Variants in METTL25 observed in about 807,000 individuals in gnomAD.
METTL25 encodes methyltransferase like 25.
A neutral mutation model predicts 71.6 loss-of-function variants in METTL25; 64 were observed. The observed-to-expected ratio is 0.89, with a 90% CI of 0.73 to 1.10. The LOEUF (loss-of-function observed/expected upper bound fraction) is 1.10, where lower values mean the gene tolerates loss of function less well. Among genes scored for constraint, METTL25 ranks in the 50% least tolerant of loss-of-function variants. The pLI is 0.00. For synonymous variants in METTL25, 287 were observed against 250.3 expected (o/e 1.15, Z -1.38); for missense variants, 807 against 707.0 (o/e 1.14, Z -1.60).
intron 8 of METTL25, among the ~76,000 whole-genome samples, chr12:82,441,251 C>T (rs1243645145): frequency 6.6e-6 from 1 of 151,078 alleles, no homozygotes; most frequent in Non-Finnish European, 1.5e-5. Context: ...TCCCTCTGGA[C>T]AAAATAATGT....
intron 9 of METTL25, among the ~76,000 whole-genome samples, chr12:82,466,715 T>C (rs1379818700): frequency 6.6e-6 from 1 of 152,112 alleles, no homozygotes; most frequent in East Asian, 1.9e-4. Context: ...TATTACTGGA[T>C]TGAGGTCCAT....
chr12:82,451,620 G>A (rs893242415), intron 8 of METTL25, among the ~76,000 whole-genome samples: 2 of 152,004 alleles, frequency 1.3e-5, no homozygotes, highest in East Asian at 1.9e-4. Context: ...TCCGAACTGT[G>A]TATAGACAAT....
intron 9 of METTL25, among the ~76,000 whole-genome samples, chr12:82,461,138 G>A (rs529407341): frequency 3.3e-5 from 5 of 152,098 alleles, no homozygotes; most frequent in South Asian, 2.1e-4. Flanking sequence ...GCAAGACTCC[G>A]TCTCCAAAAA....
intron 8 of METTL25, chr12:82,439,941 C>A: frequency 2.5e-6 from 1 of 393,684 alleles, no homozygotes; most frequent in Non-Finnish European, 3.5e-6. Context: ...AAACTCAATA[C>A]TTTCCAACGC....
intron 1 of METTL25, among the ~76,000 whole-genome samples, chr12:82,384,204 A>G (rs1167915583): frequency 6.6e-6 from 1 of 152,220 alleles, no homozygotes; most frequent in African/African-American, 2.4e-5. Flanking sequence ...TTAATTTACT[A>G]AATATAAGTT....
chr12:82,465,839 G>T (rs1420530176), intron 9 of METTL25, among the ~76,000 whole-genome samples: 6 of 151,926 alleles, frequency 3.9e-5, no homozygotes, highest in Non-Finnish European at 8.8e-5. Context: ...TAGGTTGTAT[G>T]TGTCTAAGAA....
At chr12:82,379,851 A>T (rs954718761) in intron 1 of METTL25, among the ~76,000 whole-genome samples, 12 of 152,144 alleles carry the variant, frequency 7.9e-5, no homozygotes, top group African/African-American at 2.9e-4. Context: ...ATCCTTAGTC[A>T]TGCCTTCATT....
chr12:82,447,100 GAAAT>G (rs1329719457), intron 8 of METTL25, among the ~76,000 whole-genome samples: 3 of 151,500 alleles, frequency 2.0e-5, no homozygotes, highest in Admixed American at 2.0e-4. Flanking sequence ...TCTAAAGAAA[GAAAT>G]AATCAAGATC....
At chr12:82,394,789 A>T (rs1298470043) in intron 3 of METTL25, among the ~76,000 whole-genome samples, 1 of 151,954 alleles carries the variant, frequency 6.6e-6, no homozygotes, top group Non-Finnish European at 1.5e-5. Context: ...AAAGTTTTTG[A>T]TACAGAGGGG....
intron 8 of METTL25, among the ~76,000 whole-genome samples, chr12:82,446,483 A>G (rs373106046): frequency 2.3e-5 from 3 of 128,608 alleles, no homozygotes; most frequent in African/African-American, 8.5e-5. Context: ...TCTGACTACA[A>G]TGGAATAAAC....
At chr12:82,395,083 C>T (rs1381834437) in intron 3 of METTL25, among the ~76,000 whole-genome samples, 1 of 151,914 alleles carries the variant, frequency 6.6e-6, no homozygotes, top group Non-Finnish European at 1.5e-5. Flanking sequence ...AGACTGGAAG[C>T]CACTGGAGCC....
In METTL25 at chr12:82,456,825, G is replaced by T; in HGVS notation, c.1572+5G>T. 7.4e-7 allele frequency: 1 copy of T among 1,360,492 alleles called. No homozygotes were observed. Among genetic ancestry groups the T allele is most frequent in the Non-Finnish European group, 1.0e-6 (1 of 998,916 alleles). The allele number at this position is 1,360,492 out of a possible 1,614,324, so 84.3% of individuals were successfully genotyped here. On this transcript the variant is annotated splice_donor_5th_base_variant and intron_variant, in intron 9 of 11. Coordinates refer to ENST00000248306, the MANE Select transcript of METTL25 (RefSeq NM_032230.3). ...CTTGGATTAGATGAGTCCAAGGTCA[G>T]TATATGATGACTCATTATTTTCAGA...
At chr12:82,425,442 A>G (rs952592857) in intron 5 of METTL25, among the ~76,000 whole-genome samples, 1 of 152,098 alleles carries the variant, frequency 6.6e-6, no homozygotes, top group African/African-American at 2.4e-5. Flanking sequence ...GCAAGGGAGT[A>G]TAAAGAGAAT....
chr12:82,476,356 T>C, intron 9 of METTL25: 1 of 290,766 alleles, frequency 3.4e-6, no homozygotes, highest in Non-Finnish European at 6.3e-6. Context: ...CAAAGCATAA[T>C]AACAAATGAA....
At chr12:82,374,556 T>A (rs1487801718) in intron 1 of METTL25, among the ~76,000 whole-genome samples, 1 of 152,048 alleles carries the variant, frequency 6.6e-6, no homozygotes, top group Non-Finnish European at 1.5e-5. Context: ...AGACACAGAG[T>A]GCTGATTGGT....
chr12:82,409,462 T>C (rs2137053147), intron 5 of METTL25, among the ~76,000 whole-genome samples: 1 of 152,250 alleles, frequency 6.6e-6, no homozygotes, highest in Middle Eastern at 3.4e-3. Flanking sequence ...CCAGTATAAC[T>C]TGGTTGTTTT....
intron 9 of METTL25, among the ~76,000 whole-genome samples, chr12:82,465,676 G>A (rs1308846285): frequency 6.6e-6 from 1 of 151,802 alleles, no homozygotes; most frequent in East Asian, 1.9e-4. Context: ...CAAATGAATT[G>A]GTATTCATTC....
At chr12:82,442,444 A>G (rs1420424378) in intron 8 of METTL25, among the ~76,000 whole-genome samples, 2 of 152,202 alleles carry the variant, frequency 1.3e-5, no homozygotes, top group African/African-American at 4.8e-5. Flanking sequence ...GTGAATCTCC[A>G]GAGAATTATA....
intron 8 of METTL25, among the ~76,000 whole-genome samples, chr12:82,447,132 A>T (rs1457170084): frequency 2.0e-5 from 3 of 152,160 alleles, no homozygotes; most frequent in Admixed American, 2.0e-4. Flanking sequence ...AAATAAATAA[A>T]ATTGAGACTG....
Sources: allele counts gnomAD v4.1 joint callset (sites outside exome capture counted in the v4.1 genomes callset), GRCh38; gene constraint gnomAD v4.1.1; transcripts MANE v1.5; gene names NCBI Gene and HGNC (gene_info 2026-07-23, HGNC 2026-07-21).